ZDHHC11B: variants seen among roughly 807,000 people sequenced by gnomAD.
ZDHHC11B encodes zDHHC palmitoyltransferase 11B (putative), also known as probable palmitoyltransferase ZDHHC11B.
A neutral mutation model predicts 42.3 loss-of-function variants in ZDHHC11B; 17 were observed. That is an observed-to-expected ratio of 0.40 (90% CI 0.27 to 0.60). ZDHHC11B has a LOEUF of 0.60. Ranked by LOEUF, ZDHHC11B falls within the 20% of genes least tolerant of loss-of-function variation. The pLI is 0.41. For missense variants in ZDHHC11B, 262 were observed against 463.2 expected (o/e 0.57, Z 3.99); for synonymous variants, 123 against 193.5 (o/e 0.64, Z 3.02).
chr5:719,897 A>T (rs1742056034), intron 12 of ZDHHC11B, among the ~76,000 whole-genome samples: 1 of 151,802 alleles, frequency 6.6e-6, no homozygotes, highest in Admixed American at 6.6e-5. Context: ...TAGCATGATG[A>T]AATGTCATTC....
intron 10 of ZDHHC11B, among the ~76,000 whole-genome samples, chr5:734,270 G>A (rs1406325064): frequency 3.3e-5 from 4 of 121,496 alleles, no homozygotes; most frequent in African/African-American, 3.7e-5. Flanking sequence ...AAAACAAAAA[G>A]TCACAGAGCC....
chr5:721,071 C>T lies in ZDHHC11B; in HGVS notation c.1059-4206G>A, dbSNP rs192268845. Reference sequence around the variant, plus strand: ...GGTTGCAGTGAGTTATCACTGTGCACTCCAGCCTGGGCAACAGACTGAGTC... The same window carrying T: ...GGTTGCAGTGAGTTATCACTGTGCATTCCAGCCTGGGCAACAGACTGAGTC... On this transcript the variant is annotated intron_variant, in intron 12 of 13. Coordinates refer to ENST00000508859, the MANE Select transcript of ZDHHC11B (RefSeq NM_001351303.2). Among the ~76,000 whole-genome samples, 31 of 151,828 alleles carry T rather than the reference C, an allele frequency of 2.0e-4. No individual in the cohort carries two copies. In the East Asian group the frequency reaches 4.3e-3, roughly 21 times the overall value.
chr5:739,928 C>T (rs1561135023), intron 10 of ZDHHC11B, among the ~76,000 whole-genome samples: 2 of 151,402 alleles, frequency 1.3e-5, no homozygotes, highest in Non-Finnish European at 3.0e-5. Context: ...TATGTAAATA[C>T]CATGGAATAC....
chr5:744,219 T>G (rs1265278183), intron 9 of ZDHHC11B, among the ~76,000 whole-genome samples: 1 of 149,858 alleles, frequency 6.7e-6, no homozygotes, highest in African/African-American at 2.5e-5. Flanking sequence ...CTGCTCGATT[T>G]GGTTTCCCAA....
chr5:766,816 G>A lies in ZDHHC11B; in HGVS notation c.104C>T (p.Ser35Leu), dbSNP rs773797844. The change falls in exon 4 of 14, where the codon TCG (serine) becomes TTG (leucine). Residue 35 changes from serine to leucine, a missense_variant. Around this residue, in one of 5 missense-constraint regions of ZDHHC11B, gnomAD observed 97 missense variants for 98.1 expected, o/e 0.99. Transcript: ENST00000508859. ...CACCCGGAAGTAGTGCAGGGGTAAC[G>A]ACCAGCCGTTCACTCTGGAGATGCG... ...PPRISRVNGW[S>L]LPLHYFRVVT... 2.0e-5 allele frequency: 33 copies of A among 1,612,720 alleles called. No homozygotes were observed. Among genetic ancestry groups the A allele is most frequent in the Middle Eastern group, 1.7e-4 (1 of 6,060 alleles).
At chr5:722,727 A>G (rs1409240719) in intron 12 of ZDHHC11B, among the ~76,000 whole-genome samples, 2 of 151,520 alleles carry the variant, frequency 1.3e-5, no homozygotes, top group Non-Finnish European at 2.9e-5. Context: ...GCTGGGTAGC[A>G]AAAAACTGGA....
chr5:772,028 C>T (rs1157472060), intron 1 of ZDHHC11B, among the ~76,000 whole-genome samples: 15 of 152,022 alleles, frequency 9.9e-5, no homozygotes, highest in South Asian at 4.2e-4. Context: ...GAGGGCTGAG[C>T]GGGACATAAA....
chr5:773,901 T>C (rs1211737364), intron 1 of ZDHHC11B, among the ~76,000 whole-genome samples: 1 of 151,838 alleles, frequency 6.6e-6, no homozygotes, highest in African/African-American at 2.4e-5. Flanking sequence ...TGGGCAAGAC[T>C]GTGTTGTCCA....
chr5:720,297 A>C (rs1426555464), intron 12 of ZDHHC11B, among the ~76,000 whole-genome samples: 1 of 151,846 alleles, frequency 6.6e-6, no homozygotes, highest in African/African-American at 2.4e-5. Context: ...ATCAGAATCA[A>C]GAGATCCTTA....
intron 6 of ZDHHC11B, among the ~76,000 whole-genome samples, chr5:753,713 G>A (rs1746102914): frequency 6.7e-6 from 1 of 148,490 alleles, no homozygotes; most frequent in African/African-American, 2.5e-5. Context: ...CGCAGCCTCT[G>A]GACTCGCTGT....
intron 10 of ZDHHC11B, among the ~76,000 whole-genome samples, chr5:735,911 A>G (rs1266685320): frequency 1.3e-5 from 2 of 148,460 alleles, no homozygotes; most frequent in Admixed American, 6.8e-5. Context: ...ACACAAATTA[A>G]AAAACCAAGG....
intron 1 of ZDHHC11B, among the ~76,000 whole-genome samples, chr5:774,180 G>T (rs1317388655): frequency 1.3e-5 from 2 of 152,062 alleles, no homozygotes; most frequent in African/African-American, 2.4e-5. Flanking sequence ...AAATCACCTG[G>T]GCCCCATTTG....
At chr5:757,554 T>C (rs1447699911) in intron 4 of ZDHHC11B, among the ~76,000 whole-genome samples, 1 of 151,902 alleles carries the variant, frequency 6.6e-6, no homozygotes, top group South Asian at 2.1e-4. Flanking sequence ...CCTTCCCTGA[T>C]GAGGGTCCCG....
chr5:774,985 C>G lies in ZDHHC11B; in HGVS notation c.-229-6055G>C, dbSNP rs984985864. On this transcript the variant is annotated intron_variant, in intron 1 of 13. Coordinates refer to ENST00000508859, the MANE Select transcript of ZDHHC11B (RefSeq NM_001351303.2). ...CTTGCTGGCAGAGGAGGCTGGTGGACAGGCCATGCTCACATCATCAGCAGT... is the reference window on the plus strand; with the variant it reads ...CTTGCTGGCAGAGGAGGCTGGTGGAGAGGCCATGCTCACATCATCAGCAGT... 2.6e-5 allele frequency among the ~76,000 whole-genome samples: 4 copies of G among 152,026 alleles called. 1 individual carries two copies. The highest frequency in any genetic ancestry group is 9.7e-5 in the African/African-American group (4 of 41,406).
At chr5:723,627 T>A (rs2126975738) in intron 12 of ZDHHC11B, among the ~76,000 whole-genome samples, 1 of 110,800 alleles carries the variant, frequency 9.0e-6, no homozygotes. Context: ...GGTCCTGGAC[T>A]GAGCCTGCAG....
At chr5:719,400 T>A (rs1742015980) in intron 12 of ZDHHC11B, among the ~76,000 whole-genome samples, 1 of 151,614 alleles carries the variant, frequency 6.6e-6, no homozygotes, top group South Asian at 2.1e-4. Context: ...CTCAGTAAAC[T>A]AAAGGAAGTC....
At chr5:741,709 T>C in intron 9 of ZDHHC11B, 81 bp from the exon 10 acceptor site, 1 of 1,544,048 alleles carries the variant, frequency 6.5e-7, no homozygotes. Context: ...GTCACGTCTA[T>C]TATTCCTGGG....
intron 1 of ZDHHC11B, among the ~76,000 whole-genome samples, chr5:777,523 A>T (rs1159261382): frequency 2.0e-5 from 3 of 151,880 alleles, no homozygotes; most frequent in African/African-American, 7.3e-5. Context: ...CAAACTTTCC[A>T]CAGCGGAGAA....
chr5:784,340 C>T (rs1490290754), intron 1 of ZDHHC11B, among the ~76,000 whole-genome samples: 2 of 151,984 alleles, frequency 1.3e-5, no homozygotes, highest in Admixed American at 6.5e-5. Flanking sequence ...GCTGCAGGGG[C>T]GTCCGTGGCC....
Sources: allele counts gnomAD v4.1 joint callset (sites outside exome capture counted in the v4.1 genomes callset), GRCh38; gene constraint gnomAD v4.1.1; regional missense constraint gnomAD v4.1.1; transcripts MANE v1.5; gene names NCBI Gene and HGNC (gene_info 2026-07-23, HGNC 2026-07-21).